ADAM19: variants seen among roughly 807,000 people sequenced by gnomAD.
The protein encoded by ADAM19 is disintegrin and metalloproteinase domain-containing protein 19.
In ADAM19, 65 loss-of-function variants were observed where a neutral mutation model predicts 114.7. The observed-to-expected ratio is 0.57, with a 90% CI of 0.46 to 0.70. ADAM19 has a LOEUF of 0.70. Ranked by LOEUF, ADAM19 falls within the 30% of genes least tolerant of loss-of-function variation. The pLI is 0.00. For synonymous variants in ADAM19, 466 were observed against 460.5 expected, an observed-to-expected ratio of 1.01 and a Z score of -0.15; for missense variants, 1,063 against 1,204.7, an observed-to-expected ratio of 0.88 and a Z score of 1.74.
chr5:157,537,146 T>C (rs531608987), intron 4 of ADAM19, among the ~76,000 whole-genome samples: 1 of 152,318 alleles, frequency 6.6e-6, no homozygotes, highest in South Asian at 2.1e-4. Flanking sequence ...CCTGCAAACA[T>C]TGCCAGGTGT....
At chr5:157,535,455 C>T (rs1297220772) in intron 4 of ADAM19, among the ~76,000 whole-genome samples, 1 of 152,226 alleles carries the variant, frequency 6.6e-6, no homozygotes, top group Non-Finnish European at 1.5e-5. Flanking sequence ...TTTCATTGAG[C>T]TCTCAGCTCC....
intron 5 of ADAM19, among the ~76,000 whole-genome samples, chr5:157,526,411 A>T (rs1161926285): frequency 6.6e-6 from 1 of 152,238 alleles, no homozygotes; most frequent in African/African-American, 2.4e-5. Flanking sequence ...AAAATTTTTA[A>T]AAAAGTAAAC....
At chr5:157,500,392 T>C (rs1315837860) in intron 12 of ADAM19, among the ~76,000 whole-genome samples, 18 of 152,234 alleles carry the variant, frequency 1.2e-4, no homozygotes, top group Admixed American at 1.2e-3. Context: ...AAAATCATAG[T>C]ATCCACAGTG....
chr5:157,494,928 T>A, intron 14 of ADAM19, 133 bp from the exon 15 acceptor site: 1 of 612,310 alleles, frequency 1.6e-6, no homozygotes, highest in Non-Finnish European at 2.9e-6. Flanking sequence ...TCCTGTTCCC[T>A]CCAGGTTACT....
At chr5:157,543,078 G>T (rs552122242) in intron 3 of ADAM19, among the ~76,000 whole-genome samples, 1 of 152,172 alleles carries the variant, frequency 6.6e-6, no homozygotes, top group African/African-American at 2.4e-5. Context: ...AACTAGTTTT[G>T]TGTCTAATTT....
At chr5:157,509,872 T>C (rs544074142) in intron 8 of ADAM19, among the ~76,000 whole-genome samples, 1 of 152,180 alleles carries the variant, frequency 6.6e-6, no homozygotes, top group African/African-American at 2.4e-5. Context: ...CTTAGGTCAA[T>C]AGGTAAAACA....
Position 157,478,553 on chromosome 5 carries a change from T to C in ADAM19, c.*2396A>G. On this transcript the variant is annotated 3_prime_UTR_variant, in exon 23 of 23. Transcript: ENST00000257527. ...CTCCTTCCCTAAGCCCAGATTTATTTGTATTTGACACCTCAAAACAGCATA... is the reference window on the plus strand; with the variant it reads ...CTCCTTCCCTAAGCCCAGATTTATTCGTATTTGACACCTCAAAACAGCATA... 1.0e-6 allele frequency: 1 copy of C among 985,114 alleles called. No homozygotes were observed. Among genetic ancestry groups the C allele is most frequent in the Non-Finnish European group, 1.2e-6 (1 of 829,458 alleles). The allele number at this position is 985,114 out of a possible 1,614,324, so 61.0% of individuals were successfully genotyped here.
intron 6 of ADAM19, among the ~76,000 whole-genome samples, chr5:157,519,263 G>C (rs1389895596): frequency 6.6e-6 from 1 of 152,232 alleles, no homozygotes; most frequent in East Asian, 1.9e-4. Context: ...TATGAGGACT[G>C]TGTGCATATG....
intron 19 of ADAM19, 63 bp from the exon 20 acceptor site, chr5:157,489,249 A>C (rs1755065937): frequency 4.0e-6 from 5 of 1,245,742 alleles, no homozygotes; most frequent in Non-Finnish European, 5.9e-6. Flanking sequence ...ACAGTGCCTG[A>C]GTTCCCTTTG....
intron 3 of ADAM19, among the ~76,000 whole-genome samples, chr5:157,550,498 G>GT (rs1757161447): frequency 6.6e-6 from 1 of 152,138 alleles, no homozygotes; most frequent in African/African-American, 2.4e-5. Flanking sequence ...CAACATATGA[G>GT]TTTGGGGGGA....
intron 20 of ADAM19, among the ~76,000 whole-genome samples, 159 bp from the exon 21 acceptor site, chr5:157,488,648 A>G (rs1288567905): frequency 6.6e-6 from 1 of 152,204 alleles, no homozygotes; most frequent in Non-Finnish European, 1.5e-5. Context: ...TAAAGTCATT[A>G]GGGGATGTCA....
At chr5:157,504,618 G>A (rs992563934) in intron 11 of ADAM19, among the ~76,000 whole-genome samples, 3 of 152,076 alleles carry the variant, frequency 2.0e-5, no homozygotes, top group Non-Finnish European at 4.4e-5. Context: ...CTCTAAGAAA[G>A]CTGCACTGTT....
chr5:157,514,618 C>A (rs947719518), intron 7 of ADAM19, among the ~76,000 whole-genome samples: 13 of 152,160 alleles, frequency 8.5e-5, no homozygotes, highest in African/African-American at 2.9e-4. Flanking sequence ...TGAGCCACTG[C>A]GCCTGGCCGT....
At chr5:157,499,747 G>T in intron 12 of ADAM19, 85 bp from the exon 13 acceptor site, 1 of 831,780 alleles carries the variant, frequency 1.2e-6, no homozygotes, top group East Asian at 2.8e-5. Context: ...CACACCCCTG[G>T]AACCCCAGCT....
intron 22 of ADAM19, chr5:157,481,392 G>C: frequency 1.7e-6 from 1 of 599,924 alleles, no homozygotes; most frequent in South Asian, 2.1e-5. Context: ...GAGGGGCCAA[G>C]TGTACACAGC....
rs753820265 is a variant in ADAM19 at position 157,488,404 on chromosome 5, G to C, written c.2411C>G (p.Pro804Arg). The stretch of plus-strand genomic sequence containing the variant: ...GCTCAGGTGAGCTGGCAGTGGTGCA[G>C]GTGGGGACCCACCACGCAGATAATC... ...PPDYLRGGSP[P>R]APLPAHLSRA... The change falls in exon 21 of 23, where the codon CCT becomes CGT. Residue 804 changes from proline (P) to arginine (R), a missense_variant. Around this residue, in one of 3 missense-constraint regions of ADAM19, gnomAD observed 424 missense variants for 445.5 expected, o/e 0.95. Coordinates refer to ENST00000257527, the MANE Select transcript of ADAM19 (RefSeq NM_033274.5). The C allele has an allele frequency of 1.9e-6, 3 of 1,614,100 alleles. No individual in the cohort carries two copies. The South Asian group carries it at 3.3e-5, about 18-fold the overall frequency.
Position 157,502,878 on chromosome 5 carries a change from C to T in ADAM19, c.1233G>A (p.Arg411=), listed in dbSNP as rs149561784. The T allele has an allele frequency of 9.3e-6, 15 of 1,614,070 alleles. No individual in the cohort carries two copies. Among genetic ancestry groups the T allele is most frequent in the Non-Finnish European group, 1.3e-5 (15 of 1,180,024 alleles). The stretch of plus-strand genomic sequence containing the variant: ...CACACCTCCGGCCTCCATACAACAT[C>T]CTGGTGTCTGGCATGTTGGAGAGAC... The part of the protein sequence containing the change: ...GMCLSNMPDT[R]MLYGGRRCGN... Residue 411 remains arginine, a synonymous_variant, in exon 12 of 23, where the codon AGG becomes AGA. Coordinates refer to ENST00000257527, the MANE Select transcript of ADAM19 (RefSeq NM_033274.5).
intron 3 of ADAM19, among the ~76,000 whole-genome samples, chr5:157,546,096 C>T (rs1324537501): frequency 1.3e-5 from 2 of 152,228 alleles, no homozygotes; most frequent in Non-Finnish European, 2.9e-5. Flanking sequence ...CCTAGGTTTC[C>T]TGCCCCTCTC....
At chr5:157,494,371 A>C (rs1270957376) in intron 15 of ADAM19, among the ~76,000 whole-genome samples, 1 of 152,188 alleles carries the variant, frequency 6.6e-6, no homozygotes, top group African/African-American at 2.4e-5. Context: ...ATGAGGAGCT[A>C]TTCAAATTAG....
Sources: allele counts gnomAD v4.1 joint callset (sites outside exome capture counted in the v4.1 genomes callset), GRCh38; gene constraint gnomAD v4.1.1; regional missense constraint gnomAD v4.1.1; transcripts MANE v1.5; gene names NCBI Gene and HGNC (gene_info 2026-07-23, HGNC 2026-07-21).